The following ROBO1 variants were observed in gnomAD, a reference collection of about 807,000 sequenced individuals.
ROBO1 encodes roundabout guidance receptor 1.
ROBO1 carries 149 observed loss-of-function variants against 195.9 expected under a neutral mutation model. The ratio of observed to expected loss-of-function variants is 0.76; its 90% confidence interval spans 0.67 to 0.87. The LOEUF (loss-of-function observed/expected upper bound fraction) is 0.87. Among genes scored for constraint, ROBO1 ranks in the 40% least tolerant of loss-of-function variants. ROBO1 has a pLI of 0.00. For synonymous variants in ROBO1, 816 were observed against 733.2 expected (o/e 1.11, Z -1.82); for missense variants, 1,933 against 2,068.3 (o/e 0.93, Z 1.27).
intron 7 of ROBO1, among the ~76,000 whole-genome samples, chr3:78,715,541 AT>A (rs1362135035): frequency 6.6e-6 from 1 of 151,994 alleles, no homozygotes; most frequent in Non-Finnish European, 1.5e-5. Context: ...TCTTCTTATT[AT>A]TTTTTTGGAG....
chr3:78,691,881 T>C (rs968497362), intron 8 of ROBO1, among the ~76,000 whole-genome samples: 1 of 152,210 alleles, frequency 6.6e-6, no homozygotes, highest in African/African-American at 2.4e-5. Context: ...ATTGTGCTCA[T>C]GAACTCAGAT....
chr3:78,921,880 G>A lies in ROBO1; in HGVS notation c.499+16721C>T, dbSNP rs186267957. ...CAGTTCACTGCAACCTCCGCCTCTC[G>A]GGTTCAAGCGATTCCCCTTCCTTGG... On this transcript the variant is annotated intron_variant, in intron 4 of 30. Coordinates refer to ENST00000464233, the MANE Select transcript of ROBO1 (RefSeq NM_002941.4). Among the ~76,000 whole-genome samples, 423 of 151,532 alleles carry A rather than the reference G, an allele frequency of 2.8e-3. 3 individuals are homozygous for A. Among genetic ancestry groups the A allele is most frequent in the Middle Eastern group, 0.01 (3 of 292 alleles).
intron 2 of ROBO1, among the ~76,000 whole-genome samples, chr3:79,462,995 G>A (rs1937733916): frequency 6.6e-6 from 1 of 152,128 alleles, no homozygotes; most frequent in Admixed American, 6.5e-5. Context: ...GTTATTTAAT[G>A]TTCATGTTAT....
chr3:78,884,652 G>A (rs13079797), intron 4 of ROBO1, among the ~76,000 whole-genome samples: 10,130 of 48,366 alleles, frequency 0.21, 577 homozygotes, highest in African/African-American at 0.32. Flanking sequence ...AGAAAGAAAG[G>A]AAGGAAGGAA....
At chr3:79,602,562 T>G (rs936977852) in intron 1 of ROBO1, among the ~76,000 whole-genome samples, 7 of 152,002 alleles carry the variant, frequency 4.6e-5, no homozygotes, top group African/African-American at 1.7e-4. Context: ...CCAAGTGATT[T>G]CAGAGCTACA....
At chr3:78,688,874 CAT>C (rs1312589096) in intron 8 of ROBO1, 102 bp from the exon 9 acceptor site, 5 of 1,171,020 alleles carry the variant, frequency 4.3e-6, no homozygotes, top group African/African-American at 3.1e-5. Context: ...TTTTATACAA[CAT>C]GTTATGTAAA....
chr3:78,940,912 C>A (rs1459921052), intron 3 of ROBO1, among the ~76,000 whole-genome samples: 1 of 152,120 alleles, frequency 6.6e-6, no homozygotes, highest in African/African-American at 2.4e-5. Context: ...CAAGAAAGAC[C>A]TAACTAAGCA....
chr3:79,036,714 C>T (rs567569028), intron 3 of ROBO1, among the ~76,000 whole-genome samples: 1 of 152,140 alleles, frequency 6.6e-6, no homozygotes, highest in Non-Finnish European at 1.5e-5. Context: ...TAAAGAAGGT[C>T]TCTGTGTGCC....
Position 78,711,354 on chromosome 3 carries a change from C to CTTTTCTTTCTTTCTTT in ROBO1, c.1045+3042_1045+3043insAAAGAAAGAAAGAAAA, listed in dbSNP as rs1559772810. The stretch of plus-strand genomic sequence containing the variant: ...TTCCTTCCTTCCTTCCTTCCTCCTT[C>CTTTTCTTTCTTTCTTT]CTTCCTTCCTTCCTTCCTTCCTTCC... On this transcript the variant is annotated intron_variant, in intron 8 of 30. Transcript: ENST00000464233. Among the ~76,000 whole-genome samples, 134 of 64,956 alleles carry CTTTTCTTTCTTTCTTT rather than the reference C, an allele frequency of 2.1e-3. 10 individuals carry two copies. Among genetic ancestry groups the CTTTTCTTTCTTTCTTT allele is most frequent in the African/African-American group, 9.1e-3 (112 of 12,308 alleles). 42.6% of individuals were successfully genotyped at this position (64,956 alleles called of 152,430 possible). A position where few individuals can be genotyped will look rare whatever the true frequency, so the allele number is the denominator to read the frequency against.
At chr3:79,425,041 G>C (rs1478882335) in intron 2 of ROBO1, among the ~76,000 whole-genome samples, 1 of 152,120 alleles carries the variant, frequency 6.6e-6, no homozygotes, top group Non-Finnish European at 1.5e-5. Flanking sequence ...AACTGCCTGG[G>C]ATTCTAGAGC....
At chr3:79,431,579 C>T (rs571906659) in intron 2 of ROBO1, among the ~76,000 whole-genome samples, 1 of 152,146 alleles carries the variant, frequency 6.6e-6, no homozygotes, top group South Asian at 2.1e-4. Flanking sequence ...AAGACAAAAA[C>T]ATGGTACAGA....
chr3:78,736,804 T>C (rs893231529), intron 5 of ROBO1, among the ~76,000 whole-genome samples: 5 of 152,200 alleles, frequency 3.3e-5, no homozygotes, highest in Admixed American at 2.0e-4. Flanking sequence ...GGCTTTCTTT[T>C]TTCTAGTTTC....
chr3:78,711,891 A>C (rs1559774935), intron 8 of ROBO1, among the ~76,000 whole-genome samples: 1 of 151,816 alleles, frequency 6.6e-6, no homozygotes, highest in Non-Finnish European at 1.5e-5. Context: ...GATGTCCAGT[A>C]CCATGAAAGA....
At chr3:79,587,894 A>C (rs1943878493) in intron 2 of ROBO1, among the ~76,000 whole-genome samples, 1 of 151,776 alleles carries the variant, frequency 6.6e-6, no homozygotes, top group African/African-American at 2.4e-5. Flanking sequence ...TCCACTCTGC[A>C]GGTGTTCTTT....
At chr3:78,670,376 G>T (rs1223864274) in intron 10 of ROBO1, 75 bp from the exon 11 acceptor site, 3 of 1,266,384 alleles carry the variant, frequency 2.4e-6, no homozygotes, top group Non-Finnish European at 3.3e-6. Flanking sequence ...AACAGCAGTT[G>T]TTCTAGGCTT....
intron 2 of ROBO1, among the ~76,000 whole-genome samples, chr3:79,574,669 T>A (rs1943392525): frequency 6.6e-6 from 1 of 151,948 alleles, no homozygotes; most frequent in African/African-American, 2.4e-5. Context: ...TTGTTTCCAT[T>A]AATAATTTCT....
At chr3:79,491,181 G>A (rs1939433778) in intron 2 of ROBO1, among the ~76,000 whole-genome samples, 2 of 148,820 alleles carry the variant, frequency 1.3e-5, no homozygotes. Flanking sequence ...GCCATTGCTT[G>A]GGGGGAAAAA....
intron 2 of ROBO1, among the ~76,000 whole-genome samples, chr3:79,441,365 CAT>C (rs1478970188): frequency 6.6e-6 from 1 of 152,120 alleles, no homozygotes; most frequent in East Asian, 1.9e-4. Flanking sequence ...TGATGTATTA[CAT>C]ATGCTTGTCT....
intron 3 of ROBO1, among the ~76,000 whole-genome samples, chr3:79,083,238 A>G (rs958968276): frequency 1.3e-5 from 2 of 152,162 alleles, no homozygotes; most frequent in Non-Finnish European, 2.9e-5. Flanking sequence ...TTACCAGGAA[A>G]GAGTTGATAA....
Sources: allele counts gnomAD v4.1 joint callset (sites outside exome capture counted in the v4.1 genomes callset), GRCh38; gene constraint gnomAD v4.1.1; transcripts MANE v1.5; gene names NCBI Gene and HGNC (gene_info 2026-07-23, HGNC 2026-07-21).